The following ERC1 variants were observed in gnomAD, a reference collection of about 807,000 sequenced individuals.
ERC1 encodes the protein RAB6 interacting protein 2.
Under a neutral mutation model 132.0 loss-of-function variants are expected in ERC1, and 56 were observed. The observed-to-expected ratio is 0.42, with a 90% CI of 0.34 to 0.53. The LOEUF is 0.53. Ranked by LOEUF, ERC1 falls within the 20% of genes least tolerant of loss-of-function variation. The probability of loss-of-function intolerance (pLI) is 0.03; values close to 1 mark genes in which losing one functional copy is unlikely to be tolerated. For synonymous variants in ERC1, 478 were observed against 476.1 expected (o/e 1.00, Z -0.05); for missense variants, 1,202 against 1,349.9 (o/e 0.89, Z 1.72).
intron 18 of ERC1, among the ~76,000 whole-genome samples, chr12:1,455,701 CTT>C (rs2093517582): frequency 6.6e-6 from 1 of 152,164 alleles, no homozygotes; most frequent in African/African-American, 2.4e-5. Flanking sequence ...TGTGAGAAAA[CTT>C]CAATGAGAAC....
At position 1,473,501 on chromosome 12, in the gene ERC1, G is replaced by A. The variant is rs535655459; in HGVS notation, c.3214-16592G>A. On this transcript the variant is annotated intron_variant, in intron 18 of 18. Transcript: ENST00000360905. ...GAAGGGGAGCTGGGTGTGATGGTGC[G>A]CACCCGTAGTCCCGGCTACTCAGCG... is the stretch of plus-strand genomic sequence containing the variant. Among the ~76,000 whole-genome samples, 11 of 151,960 alleles carry A rather than the reference G, an allele frequency of 7.2e-5. No individual in the cohort carries two copies. In the South Asian group the frequency reaches 8.3e-4, roughly 12 times the overall value.
chr12:1,369,066 A>G (rs1055183295), intron 15 of ERC1, among the ~76,000 whole-genome samples: 1 of 152,216 alleles, frequency 6.6e-6, no homozygotes, highest in Non-Finnish European at 1.5e-5. Context: ...AGTAAAAAAA[A>G]TAGCATCAAT....
chr12:1,263,172 T>C lies in ERC1; in HGVS notation c.2619+7T>C. 6.2e-7 allele frequency: 1 copy of C among 1,613,720 alleles called. No homozygotes were observed. The highest frequency in any genetic ancestry group is 1.1e-5 in the South Asian group (1 of 91,062). ...GACCAATGCTGAAAAACAGGTCTGC[T>C]ATTTTATACAGTTCCAAGCAATGCT... On this transcript the variant is annotated splice_region_variant and intron_variant, in intron 14 of 18. Transcript: ENST00000360905.
chr12:992,527 G>GA (rs1959779606), intron 1 of ERC1, among the ~76,000 whole-genome samples: 1 of 152,286 alleles, frequency 6.6e-6, no homozygotes, highest in Admixed American at 6.5e-5. Context: ...ACTTTAAAAT[G>GA]AAATGGAACT....
At chr12:1,083,095 C>T (rs1481161988) in intron 2 of ERC1, 69 bp from the exon 3 acceptor site, 6 of 1,337,874 alleles carry the variant, frequency 4.5e-6, no homozygotes, top group Non-Finnish European at 6.2e-6. Flanking sequence ...TTGATTCCTG[C>T]AGGCTGCTCT....
chr12:1,389,395 A>G lies in ERC1; in HGVS notation c.2925+17418A>G, dbSNP rs141896474. ...TTAAGAGAGAATATAGGCAAGTTAT[A>G]CTTACTTTTTACTGTTTTCTGACAC... On this transcript the variant is annotated intron_variant, in intron 16 of 18. Coordinates refer to ENST00000360905, the MANE Select transcript of ERC1 (RefSeq NM_178040.4). 7.5e-3 allele frequency among the ~76,000 whole-genome samples: 1,141 copies of G among 152,316 alleles called. 10 individuals carry two copies. The highest frequency in any genetic ancestry group is 0.041 in the South Asian group (199 of 4,828).
At chr12:1,155,435 C>G (rs926663143) in intron 8 of ERC1, among the ~76,000 whole-genome samples, 3 of 151,818 alleles carry the variant, frequency 2.0e-5, no homozygotes, top group Middle Eastern at 3.2e-3. Flanking sequence ...TGGAATCAAC[C>G]TAAGTGCCCA....
chr12:1,262,107 T>C (rs1246694241), intron 13 of ERC1, among the ~76,000 whole-genome samples: 1 of 152,148 alleles, frequency 6.6e-6, no homozygotes. Context: ...ACTCTGAAAA[T>C]TGGAGAATGG....
At chr12:1,172,232 G>A (rs1404903909) in intron 8 of ERC1, among the ~76,000 whole-genome samples, 1 of 152,180 alleles carries the variant, frequency 6.6e-6, no homozygotes. Flanking sequence ...TGCTTTGAGA[G>A]GCCAAGGTGG....
intron 15 of ERC1, among the ~76,000 whole-genome samples, chr12:1,353,028 C>G (rs943740434): frequency 8.1e-6 from 1 of 123,014 alleles, no homozygotes; most frequent in Non-Finnish European, 1.8e-5. Flanking sequence ...CTTTTCTTTT[C>G]TTTTTTTTTT....
At chr12:1,376,936 T>C (rs1026194771) in intron 16 of ERC1, among the ~76,000 whole-genome samples, 1 of 152,176 alleles carries the variant, frequency 6.6e-6, no homozygotes, top group African/African-American at 2.4e-5. Flanking sequence ...CTTTCTCCCG[T>C]CATCCCAGCA....
At chr12:1,188,700 G>A (rs1033076173) in intron 11 of ERC1, among the ~76,000 whole-genome samples, 11 of 152,138 alleles carry the variant, frequency 7.2e-5, no homozygotes, top group African/African-American at 2.7e-4. Context: ...CTTTCACCAA[G>A]CGTTTAATAC....
At chr12:1,376,396 T>C (rs1428437361) in intron 16 of ERC1, among the ~76,000 whole-genome samples, 6 of 123,662 alleles carry the variant, frequency 4.9e-5, no homozygotes, top group Admixed American at 4.5e-4. Flanking sequence ...TCGAGTTCTG[T>C]GATTTTCCAC....
intron 14 of ERC1, among the ~76,000 whole-genome samples, chr12:1,280,303 GA>G (rs1278069825): frequency 6.6e-6 from 1 of 152,126 alleles, no homozygotes; most frequent in African/African-American, 2.4e-5. Flanking sequence ...TTCAATGAAA[GA>G]TATTTTTTTC....
intron 16 of ERC1, among the ~76,000 whole-genome samples, chr12:1,402,211 T>G (rs1181250402): frequency 1.3e-5 from 2 of 152,158 alleles, no homozygotes; most frequent in East Asian, 1.9e-4. Context: ...GGAGGAAAAT[T>G]TATACTCTTA....
chr12:1,394,163 G>C (rs1211113309), intron 16 of ERC1, among the ~76,000 whole-genome samples: 1 of 151,876 alleles, frequency 6.6e-6, no homozygotes, highest in East Asian at 1.9e-4. Flanking sequence ...CACTTTGGGA[G>C]GCCAAGGCGG....
chr12:1,398,958 T>TG (rs915227128), intron 16 of ERC1, among the ~76,000 whole-genome samples: 18 of 62,576 alleles, frequency 2.9e-4, no homozygotes, highest in Non-Finnish European at 4.5e-4. Flanking sequence ...TTTTTTTTTT[T>TG]TTGTTGAAAC....
intron 12 of ERC1, among the ~76,000 whole-genome samples, chr12:1,231,771 G>A (rs568201359): frequency 2.6e-5 from 4 of 151,158 alleles, no homozygotes; most frequent in Admixed American, 6.6e-5. Flanking sequence ...ACGGAGTCTC[G>A]CTCTGTTGCC....
At chr12:1,170,246 T>C (rs903851594) in intron 8 of ERC1, among the ~76,000 whole-genome samples, 1 of 152,222 alleles carries the variant, frequency 6.6e-6, no homozygotes, top group African/African-American at 2.4e-5. Flanking sequence ...ATTCTTTCCA[T>C]CCAGTGGATA....
Sources: gnomAD v4.1 joint callset for allele counts (sites outside exome capture counted in the v4.1 genomes callset) on GRCh38, gnomAD v4.1.1 for gene constraint, MANE v1.5 for transcripts, NCBI Gene and HGNC (gene_info 2026-07-23, HGNC 2026-07-21) for gene names.